The following CDH6 variants were observed in gnomAD, a reference collection of about 807,000 sequenced individuals.
CDH6 encodes cadherin 6.
In CDH6, 31 loss-of-function variants were observed where a neutral mutation model predicts 78.0. The observed-to-expected ratio is 0.40, with a 90% CI of 0.30 to 0.54. CDH6 has a LOEUF of 0.54. Ranked by LOEUF, CDH6 falls within the 20% of genes least tolerant of loss-of-function variation. The pLI, the probability that CDH6 is intolerant of heterozygous loss-of-function variation, is 0.56. For missense variants in CDH6, 724 were observed against 975.9 expected, an observed-to-expected ratio of 0.74 and a Z score of 3.44; for synonymous variants, 376 against 368.8, an observed-to-expected ratio of 1.02 and a Z score of -0.23.
chr5:31,328,943 C>G lies in CDH6; in HGVS notation c.*5635C>G, dbSNP rs138248975. ...GTATTACCTTTTAGCTCAGTGTGGC[C>G]GGGCCTTTTGTTGCAGTCAAATGGC... On this transcript the variant is annotated 3_prime_UTR_variant, in exon 12 of 12. Transcript: ENST00000265071. The G allele has an allele frequency of 1.9e-3, 430 of 221,268 alleles. 2 individuals carry two copies. The highest frequency in any genetic ancestry group is 9.2e-3 in the African/African-American group (413 of 44,674). The allele number at this position is 221,268 out of a possible 1,614,324, so 13.7% of individuals were successfully genotyped here. A position where few individuals can be genotyped will look rare whatever the true frequency, so the allele number is the denominator to read the frequency against.
chr5:31,210,110 T>TGTGTG (rs1579816519), intron 1 of CDH6, among the ~76,000 whole-genome samples: 1 of 76,518 alleles, frequency 1.3e-5, no homozygotes, highest in East Asian at 4.8e-4. Context: ...GTGTGTGTGT[T>TGTGTG]TGCAGAAGGC....
At chr5:31,230,548 C>T (rs540718290) in intron 1 of CDH6, among the ~76,000 whole-genome samples, 3 of 152,086 alleles carry the variant, frequency 2.0e-5, no homozygotes, top group East Asian at 1.9e-4. Flanking sequence ...AAGAAAGCAG[C>T]GGAAGATGTT....
intron 7 of CDH6, among the ~76,000 whole-genome samples, chr5:31,309,870 G>A (rs1237475041): frequency 6.6e-6 from 1 of 152,140 alleles, no homozygotes; most frequent in African/African-American, 2.4e-5. Flanking sequence ...GGGGAAGTCT[G>A]CCCCATGATT....
intron 1 of CDH6, among the ~76,000 whole-genome samples, chr5:31,210,078 G>GTGTT (rs1554002615): frequency 7.7e-6 from 1 of 129,468 alleles, no homozygotes; most frequent in Admixed American, 7.9e-5. Flanking sequence ...TTCTTAAATT[G>GTGTT]TGTGTGTGTG....
At chr5:31,208,918 T>C (rs902583213) in intron 1 of CDH6, among the ~76,000 whole-genome samples, 2 of 152,196 alleles carry the variant, frequency 1.3e-5, no homozygotes, top group Non-Finnish European at 2.9e-5. Flanking sequence ...ATTCCTCAAG[T>C]GGCCGTCAAT....
chr5:31,228,549 C>G (rs1037831875), intron 1 of CDH6, among the ~76,000 whole-genome samples: 1 of 152,182 alleles, frequency 6.6e-6, no homozygotes, highest in African/African-American at 2.4e-5. Context: ...GGTCCCCAAC[C>G]TTTTTGGCAC....
At chr5:31,267,845 G>C in intron 2 of CDH6, 144 bp downstream of exon 2, 1 of 635,086 alleles carries the variant, frequency 1.6e-6, no homozygotes, top group Non-Finnish European at 2.7e-6. Flanking sequence ...TTTTCCACTT[G>C]AGTAGTTTCG....
At chr5:31,302,946 A>AGAAAGAAAGAAAGAAAGAAAGAAAGAAG (rs1737857664) in intron 6 of CDH6, among the ~76,000 whole-genome samples, 1 of 131,214 alleles carries the variant, frequency 7.6e-6, no homozygotes, top group Non-Finnish European at 1.7e-5. Context: ...AAAGAAAGAA[A>AGAAAGAAAGAAAGAAAGAAAGAAAGAAG]GAAAGAAAGA....
chr5:31,259,371 G>A (rs1742149250), intron 1 of CDH6, among the ~76,000 whole-genome samples: 1 of 152,130 alleles, frequency 6.6e-6, no homozygotes, highest in Non-Finnish European at 1.5e-5. Flanking sequence ...TCCTCACTAA[G>A]ATACCTTCAT....
chr5:31,286,879 T>C (rs1229105209), intron 2 of CDH6, among the ~76,000 whole-genome samples: 1 of 152,046 alleles, frequency 6.6e-6, no homozygotes, highest in Non-Finnish European at 1.5e-5. Context: ...TGAATCAAGA[T>C]ATACATAAGA....
chr5:31,237,951 C>T (rs1393583030), intron 1 of CDH6, among the ~76,000 whole-genome samples: 2 of 152,134 alleles, frequency 1.3e-5, no homozygotes, highest in African/African-American at 4.8e-5. Context: ...GTTAAGTATT[C>T]CAAAGATTTT....
chr5:31,323,154 A>G lies in CDH6; in HGVS notation c.2219A>G (p.Tyr740Cys), dbSNP rs776813603. The G allele has an allele frequency of 3.1e-6, 5 of 1,614,086 alleles. No homozygotes were observed. Among genetic ancestry groups the G allele is most frequent in the East Asian group, 4.5e-5 (2 of 44,888 alleles). ...TACGACTCCTTGGCCACTTACGCCT[A>G]TGAAGGCACTGGCTCCGTGGCGGAT... ...PPYDSLATYA[Y>C]EGTGSVADSL... is the part of the protein sequence containing the mutation. Residue 740 changes from tyrosine to cysteine, a missense_variant, in exon 12 of 12, where the codon TAT becomes TGT. Tyr to Cys is a radical substitution (Grantham distance 194, BLOSUM62 -2). This residue lies in a region of CDH6 where 220 missense variants were observed against 240.6 expected (regional missense o/e 0.91). Coordinates refer to ENST00000265071, the MANE Select transcript of CDH6 (RefSeq NM_004932.4).
chr5:31,320,346 A>G (rs1738446894), intron 11 of CDH6, among the ~76,000 whole-genome samples: 1 of 152,156 alleles, frequency 6.6e-6, no homozygotes, highest in Non-Finnish European at 1.5e-5. Flanking sequence ...TCCCTTCTAG[A>G]CAGTTGCGCT....
chr5:31,277,182 G>A (rs1487655533), intron 2 of CDH6, among the ~76,000 whole-genome samples: 3 of 152,286 alleles, frequency 2.0e-5, no homozygotes, highest in South Asian at 4.1e-4. Context: ...ATATGCACAC[G>A]ACACCTCACA....
intron 1 of CDH6, among the ~76,000 whole-genome samples, chr5:31,226,131 A>T (rs1211660226): frequency 1.3e-5 from 2 of 152,170 alleles, no homozygotes; most frequent in Non-Finnish European, 2.9e-5. Context: ...ACATGTTCTC[A>T]TTACACAGAA....
At position 31,231,519 on chromosome 5, in the gene CDH6, G is replaced by A. The variant is rs58854034; in HGVS notation, c.-128-35827G>A. ...AAGGAATTTATTTCTACAATTTGGA[G>A]AGCTGAGAAGTCCAAGGTCAAGGGG... On this transcript the variant is annotated intron_variant, in intron 1 of 11. Coordinates refer to ENST00000265071, the MANE Select transcript of CDH6 (RefSeq NM_004932.4). Among the ~76,000 whole-genome samples, 677 of 152,296 alleles carry A rather than the reference G, an allele frequency of 4.4e-3. 13 individuals are homozygous for A. The highest frequency in any genetic ancestry group is 0.02 in the South Asian group (98 of 4,826).
rs112616191 is a variant in CDH6 at position 31,218,713 on chromosome 5, C to T, written c.-129+24827C>T. 3.9e-3 allele frequency among the ~76,000 whole-genome samples: 596 copies of T among 152,284 alleles called. 8 individuals carry two copies. Among genetic ancestry groups the T allele is most frequent in the African/African-American group, 0.013 (555 of 41,564 alleles). On this transcript the variant is annotated intron_variant, in intron 1 of 11. Transcript: ENST00000265071. ...CAATTTATTTCCCCCTGCCCAAACT[C>T]CAGCACAGACCTCCAGCTTGTATCC...
chr5:31,284,638 C>T (rs1742965778), intron 2 of CDH6, among the ~76,000 whole-genome samples: 1 of 152,186 alleles, frequency 6.6e-6, no homozygotes, highest in South Asian at 2.1e-4. Context: ...CTAAGGGTGA[C>T]AAAGAAGACA....
chr5:31,265,680 G>C (rs1303729806), intron 1 of CDH6, among the ~76,000 whole-genome samples: 1 of 151,000 alleles, frequency 6.6e-6, no homozygotes, highest in Non-Finnish European at 1.5e-5. Flanking sequence ...ATGGTTTAGA[G>C]TAAATGTACC....
Sources: gnomAD v4.1 joint callset for allele counts (sites outside exome capture counted in the v4.1 genomes callset) on GRCh38, gnomAD v4.1.1 for gene constraint, gnomAD v4.1.1 regional missense constraint, MANE v1.5 for transcripts, NCBI Gene and HGNC (gene_info 2026-07-23, HGNC 2026-07-21) for gene names.